CPEB3: variants seen among roughly 807,000 people sequenced by gnomAD.
The protein encoded by CPEB3 is cytoplasmic polyadenylation element-binding protein 3.
CPEB3 carries 20 observed loss-of-function variants against 67.2 expected under a neutral mutation model. That is an observed-to-expected ratio of 0.30 (90% CI 0.21 to 0.43). CPEB3 has a LOEUF of 0.43. Ranked by LOEUF, CPEB3 falls within the 20% of genes least tolerant of loss-of-function variation. The pLI is 1.00. For synonymous variants in CPEB3, 376 were observed against 393.1 expected, an observed-to-expected ratio of 0.96 and a Z score of 0.51; for missense variants, 746 against 968.6, an observed-to-expected ratio of 0.77 and a Z score of 3.05.
chr10:92,268,442 A>G (rs1853158649), intron 1 of CPEB3, among the ~76,000 whole-genome samples: 1 of 152,212 alleles, frequency 6.6e-6, no homozygotes, highest in African/African-American at 2.4e-5. Flanking sequence ...AGCCTGGCCA[A>G]TGTAGCAAGA....
intron 2 of CPEB3, among the ~76,000 whole-genome samples, chr10:92,233,689 T>C (rs1413977541): frequency 6.6e-6 from 1 of 152,180 alleles, no homozygotes; most frequent in East Asian, 1.9e-4. Context: ...CATGAATTCA[T>C]GTAAGAAACT....
intron 6 of CPEB3, among the ~76,000 whole-genome samples, chr10:92,129,658 C>A (rs1384213279): frequency 2.0e-5 from 3 of 152,072 alleles, no homozygotes; most frequent in African/African-American, 7.2e-5. Context: ...ATATAACTGA[C>A]AAGAGGGCCT....
intron 2 of CPEB3, among the ~76,000 whole-genome samples, chr10:92,205,291 C>G (rs1182410378): frequency 1.3e-5 from 2 of 152,102 alleles, no homozygotes; most frequent in Non-Finnish European, 2.9e-5. Flanking sequence ...TTTTTCATAA[C>G]AAGCCTCGTA....
At chr10:92,066,478 T>G (rs1236720102) in intron 9 of CPEB3, among the ~76,000 whole-genome samples, 1 of 152,190 alleles carries the variant, frequency 6.6e-6, no homozygotes, top group Non-Finnish European at 1.5e-5. Flanking sequence ...AGATCTGGCC[T>G]TAATGTGAAC....
chr10:92,224,493 C>A (rs1850864416), intron 2 of CPEB3, among the ~76,000 whole-genome samples: 1 of 152,062 alleles, frequency 6.6e-6, no homozygotes. Flanking sequence ...CTAACCCCTA[C>A]CCTAAATCTC....
chr10:92,076,153 A>G (rs898901677), intron 9 of CPEB3: 1 of 152,196 alleles, frequency 6.6e-6, no homozygotes, highest in Non-Finnish European at 1.5e-5. Flanking sequence ...AATTCACTGC[A>G]TCTATATTTA....
chr10:92,190,136 G>A (rs1848895358), intron 3 of CPEB3, among the ~76,000 whole-genome samples: 1 of 151,994 alleles, frequency 6.6e-6, no homozygotes, highest in African/African-American at 2.4e-5. Context: ...AAATTAGCTG[G>A]TAGTGGTGGC....
chr10:92,077,004 C>T (rs1363021473), intron 9 of CPEB3, among the ~76,000 whole-genome samples: 4 of 152,086 alleles, frequency 2.6e-5, no homozygotes, highest in Non-Finnish European at 5.9e-5. Context: ...TGACTTTTAG[C>T]ACTGCAAGTT....
intron 1 of CPEB3, among the ~76,000 whole-genome samples, chr10:92,254,428 G>A (rs1309782861): frequency 6.6e-6 from 1 of 152,158 alleles, no homozygotes; most frequent in Non-Finnish European, 1.5e-5. Context: ...ACATGACTAA[G>A]TTTGAGAACA....
At chr10:92,058,837 A>G (rs943045383) in intron 9 of CPEB3, among the ~76,000 whole-genome samples, 2 of 152,148 alleles carry the variant, frequency 1.3e-5, no homozygotes, top group Non-Finnish European at 2.9e-5. Context: ...ACAGATATTT[A>G]TAGAACATTT....
intron 1 of CPEB3, among the ~76,000 whole-genome samples, chr10:92,244,319 C>T (rs1000866881): frequency 2.6e-5 from 4 of 151,512 alleles, no homozygotes; most frequent in African/African-American, 9.7e-5. Flanking sequence ...TGCACTCCAG[C>T]CTGGGTGACA....
At chr10:92,260,717 T>C (rs1344337469) in intron 1 of CPEB3, among the ~76,000 whole-genome samples, 2 of 152,016 alleles carry the variant, frequency 1.3e-5, no homozygotes, top group Non-Finnish European at 2.9e-5. Flanking sequence ...CAAGCAATTA[T>C]CCTGCTTCAG....
At chr10:92,125,636 G>A (rs1845577022) in intron 6 of CPEB3, among the ~76,000 whole-genome samples, 1 of 152,140 alleles carries the variant, frequency 6.6e-6, no homozygotes, top group Non-Finnish European at 1.5e-5. Flanking sequence ...GGGCAATGAG[G>A]GAGGTTATGC....
In CPEB3 at chr10:92,195,044, AAAACAC is replaced by A. The variant is rs1219247730; in HGVS notation, c.1006-2414_1006-2409del. 6.8e-4 allele frequency among the ~76,000 whole-genome samples: 51 copies of A among 74,630 alleles called. 1 individual carries two copies. Among genetic ancestry groups the A allele is most frequent in the Admixed American group, 1.2e-3 (8 of 6,678 alleles). The allele number at this position is 74,630 out of a possible 152,430, so 49.0% of individuals were successfully genotyped here. The stretch of plus-strand genomic sequence containing the variant: ...GGGCGACAGAGCGAGACTGTCTCAA[AAAACAC>A]ACACACACACACACACACACACACA... On this transcript the variant is annotated intron_variant, in intron 2 of 9. Transcript: ENST00000265997.
chr10:92,083,055 T>C (rs577491392), intron 8 of CPEB3, among the ~76,000 whole-genome samples: 49 of 152,346 alleles, frequency 3.2e-4, no homozygotes, highest in African/African-American at 1.1e-3. Context: ...TTCTGTACTA[T>C]GAAACTGCTG....
At chr10:92,131,671 T>C (rs1487829626) in intron 6 of CPEB3, among the ~76,000 whole-genome samples, 2 of 152,166 alleles carry the variant, frequency 1.3e-5, no homozygotes, top group East Asian at 3.8e-4. Context: ...AATAACTAAC[T>C]AGGGCTACAA....
At chr10:92,070,693 C>T (rs1342746284) in intron 9 of CPEB3, among the ~76,000 whole-genome samples, 1 of 152,066 alleles carries the variant, frequency 6.6e-6, no homozygotes, top group African/African-American at 2.4e-5. Context: ...GGGAGAATCA[C>T]TTGAACCCAG....
chr10:92,233,996 A>G (rs954008832), intron 2 of CPEB3, among the ~76,000 whole-genome samples: 2 of 151,766 alleles, frequency 1.3e-5, no homozygotes, highest in Non-Finnish European at 2.9e-5. Context: ...AGTCCCAGCT[A>G]CTTGGGAGGC....
intron 1 of CPEB3, among the ~76,000 whole-genome samples, chr10:92,289,730 A>ATATATATATAT (rs1213696029): frequency 2.6e-5 from 3 of 114,322 alleles, no homozygotes; most frequent in Middle Eastern, 4.2e-3. Context: ...AAAAAAAAAA[A>ATATATATATAT]AAATATATAT....
Sources: allele counts gnomAD v4.1 joint callset (sites outside exome capture counted in the v4.1 genomes callset), GRCh38; gene constraint gnomAD v4.1.1; transcripts MANE v1.5; gene names NCBI Gene and HGNC (gene_info 2026-07-23, HGNC 2026-07-21).